The following CRB2 variants were observed in gnomAD, a reference collection of about 807,000 sequenced individuals.
The protein encoded by CRB2 is crumbs cell polarity complex component 2, also known as protein crumbs homolog 2.
Under a neutral mutation model 110.9 loss-of-function variants are expected in CRB2, and 85 were observed. The observed-to-expected ratio is 0.77, with a 90% CI of 0.64 to 0.92. The LOEUF (loss-of-function observed/expected upper bound fraction) is 0.92. Among genes scored for constraint, CRB2 ranks in the 40% least tolerant of loss-of-function variants. The pLI, the probability that CRB2 is intolerant of heterozygous loss-of-function variation, is 0.00. For missense variants in CRB2, 1,843 were observed against 1,851.3 expected, an observed-to-expected ratio of 1.00 and a Z score of 0.08; for synonymous variants, 907 against 831.0, an observed-to-expected ratio of 1.09 and a Z score of -1.57.
intron 4 of CRB2, 56 bp downstream of exon 4, chr9:123,366,422 C>A (rs1033537042): frequency 1.3e-4 from 188 of 1,482,748 alleles, no homozygotes; most frequent in Middle Eastern, 9.6e-4. Flanking sequence ...TGCGCCTGTG[C>A]GGCCTGGGGC....
intron 1 of CRB2, among the ~76,000 whole-genome samples, chr9:123,359,441 G>GTTTTTTTTTTTTTTTTTTTTTTT (rs375773781): frequency 1.3e-4 from 12 of 94,436 alleles, no homozygotes; most frequent in Non-Finnish European, 1.7e-4. Context: ...TTTTTGTTTT[G>GTTTTTTTTTTTTTTTTTTTTTTT]TTTTTTTTTT....
chr9:123,377,652 A>C lies in CRB2; in HGVS notation c.*590A>C, dbSNP rs1332117748. 6.6e-6 allele frequency: 1 copy of C among 152,246 alleles called. No individual in the cohort carries two copies. The highest frequency in any genetic ancestry group is 1.5e-5 in the Non-Finnish European group (1 of 68,076). 9.4% of individuals were successfully genotyped at this position (152,246 alleles called of 1,614,324 possible). On this transcript the variant is annotated 3_prime_UTR_variant, in exon 13 of 13. Coordinates refer to ENST00000373631, the MANE Select transcript of CRB2 (RefSeq NM_173689.7). ...GCTCCTGCTGTGGAGGCAGCTGGGA[A>C]GTCAGGGAAGGCCACTAGCAGAGGC...
intron 1 of CRB2, among the ~76,000 whole-genome samples, chr9:123,356,974 A>G (rs72755139): frequency 0.34 from 52,224 of 151,848 alleles, 10,878 homozygotes; most frequent in Non-Finnish European, 0.47. Context: ...GCCGACCCCA[A>G]CTCGGGACTG....
chr9:123,374,547 T>A, intron 10 of CRB2, 32 bp from the exon 11 acceptor site: 1 of 1,540,146 alleles, frequency 6.5e-7, no homozygotes, highest in Non-Finnish European at 9.0e-7. Context: ...CCAGGTGTCC[T>A]GCACCCACTC....
chr9:123,376,038 C>G (rs1298417917), intron 12 of CRB2, among the ~76,000 whole-genome samples: 1 of 151,978 alleles, frequency 6.6e-6, no homozygotes, highest in Non-Finnish European at 1.5e-5. Flanking sequence ...TGTTTCCTTT[C>G]AAGTTGAACT....
chr9:123,358,424 G>A (rs547486924), intron 1 of CRB2, among the ~76,000 whole-genome samples: 32 of 152,284 alleles, frequency 2.1e-4, no homozygotes, highest in African/African-American at 4.1e-4. Context: ...CCCCAAGTCC[G>A]GCCCCTCCTC....
intron 1 of CRB2, among the ~76,000 whole-genome samples, chr9:123,356,893 C>T (rs144123017): frequency 4.7e-4 from 71 of 152,124 alleles, no homozygotes; most frequent in Non-Finnish European, 8.5e-4. Context: ...CTAGCACACG[C>T]TGTGGGGTGT....
intron 12 of CRB2, 151 bp from the exon 13 acceptor site, chr9:123,376,687 C>A (rs1461191975): frequency 1.4e-6 from 1 of 715,748 alleles, no homozygotes. Flanking sequence ...CTGCATACCC[C>A]TGGGGCTGGG....
intron 1 of CRB2, among the ~76,000 whole-genome samples, chr9:123,360,279 A>C (rs1288213135): frequency 1.3e-5 from 2 of 152,132 alleles, no homozygotes; most frequent in Non-Finnish European, 2.9e-5. Context: ...AGCAGGTCGA[A>C]GGGGAGGGGC....
At position 123,373,352 on chromosome 9, in the gene CRB2, G is replaced by A. The variant is rs780391222; in HGVS notation, c.2821G>A (p.Gly941Ser). Reference sequence around the variant, plus strand: ...CGTGCGCGGAGGCCATGGCCTGCCCGGCGCTGTGCTGCCCATACCGGGGCC... The same window carrying A: ...CGTGCGCGGAGGCCATGGCCTGCCCAGCGCTGTGCTGCCCATACCGGGGCC... ...GGVRGGHGLPGAVLPIPGPRV... is the reference protein window; with the variant it reads ...GGVRGGHGLPSAVLPIPGPRV... Residue 941 changes from glycine (G) to serine (S), a missense_variant, in exon 10 of 13, where the codon GGC (glycine) becomes AGC (serine). Gly to Ser is a moderately conservative substitution (Grantham distance 56, BLOSUM62 0). Coordinates refer to ENST00000373631, the MANE Select transcript of CRB2 (RefSeq NM_173689.7). The A allele has an allele frequency of 5.4e-4, 776 of 1,435,872 alleles. No individual in the cohort carries two copies. Among genetic ancestry groups the A allele is most frequent in the Non-Finnish European group, 6.7e-4 (739 of 1,102,688 alleles). 88.9% of individuals were successfully genotyped at this position (1,435,872 alleles called of 1,614,324 possible).
At position 123,366,014 on chromosome 9, in the gene CRB2, C is replaced by T. The variant is rs146687164; in HGVS notation, c.516C>T (p.Cys172=). Residue 172 remains cysteine, a synonymous_variant, in exon 3 of 13, where the codon TGC becomes TGT. Coordinates refer to ENST00000373631, the MANE Select transcript of CRB2 (RefSeq NM_173689.7). ...GCGTGGGCTCCTTCCGCTGTGTGTG[C>T]GCGCCAGGCTACGGGGGCACCCGTT... The part of the protein sequence containing the change: ...LDGVGSFRCV[C]APGYGGTRCQ... The T allele has an allele frequency of 1.4e-3, 2,240 of 1,594,012 alleles. 6 individuals carry two copies. Among genetic ancestry groups the T allele is most frequent in the South Asian group, 3.0e-3 (267 of 90,170 alleles).
At position 123,373,170 on chromosome 9, in the gene CRB2, C is replaced by A; in HGVS notation, c.2639C>A (p.Ala880Asp). The change falls in exon 10 of 13, where the codon GCC (alanine) becomes GAC (aspartate). Residue 880 changes from alanine (A) to aspartate (D), a missense_variant. Ala to Asp is a moderately radical substitution (Grantham distance 126, BLOSUM62 -2). Coordinates refer to ENST00000373631, the MANE Select transcript of CRB2 (RefSeq NM_173689.7). ...GCCACGTTCCGCGAGGGTCCCCCCG[C>A]CGCGTTCAGCGGGCACAACGCGTCG... is the stretch of plus-strand genomic sequence containing the variant. Reference protein sequence around the residue: ...AEATFREGPPAAFSGHNASSG... With the variant: ...AEATFREGPPDAFSGHNASSG... 1 of 1,514,546 alleles carries A rather than the reference C, an allele frequency of 6.6e-7. No homozygotes were observed. The highest frequency in any genetic ancestry group is 1.2e-5 in the South Asian group (1 of 82,690). The allele number at this position is 1,514,546 out of a possible 1,614,324, so 93.8% of individuals were successfully genotyped here.
chr9:123,362,673 C>T (rs1393379316), intron 1 of CRB2, among the ~76,000 whole-genome samples, 192 bp from the exon 2 acceptor site: 1 of 152,170 alleles, frequency 6.6e-6, no homozygotes, highest in Non-Finnish European at 1.5e-5. Flanking sequence ...TCTCCTAAAA[C>T]CGTTCCCAGT....
At position 123,366,369 on chromosome 9, in the gene CRB2, G is replaced by A. The variant is rs2041932164; in HGVS notation, c.754+3G>A. On this transcript the variant is annotated splice_donor_region_variant and intron_variant, in intron 4 of 12. Coordinates refer to ENST00000373631, the MANE Select transcript of CRB2 (RefSeq NM_173689.7). ...CTTCCGCTGCCTCTGTTGGCCAGGT[G>A]TGTGCGTGCAGGTGCGCGGCCTGGC... 2.6e-6 allele frequency: 4 copies of A among 1,545,622 alleles called. No homozygotes were observed. Among genetic ancestry groups the A allele is most frequent in the Non-Finnish European group, 2.6e-6 (3 of 1,158,002 alleles).
At chr9:123,366,430 G>T in intron 4 of CRB2, 64 bp downstream of exon 4, 1 of 1,477,164 alleles carries the variant, frequency 6.8e-7, no homozygotes, top group Non-Finnish European at 8.9e-7. Context: ...TGCGGCCTGG[G>T]GCGGTGGGGC....
upstream of CRB2, among the ~76,000 whole-genome samples, chr9:123,355,464 G>A (rs1336923439): frequency 6.6e-6 from 1 of 151,590 alleles, no homozygotes; most frequent in Non-Finnish European, 1.5e-5. Context: ...TTTGGCTGGT[G>A]AAGGGTGGAG....
chr9:123,366,088 G>C lies in CRB2; in HGVS notation c.590G>C (p.Gly197Ala). The C allele has an allele frequency of 2.6e-6, 4 of 1,537,550 alleles. No individual in the cohort carries two copies. The highest frequency in any genetic ancestry group is 3.5e-6 in the Non-Finnish European group (4 of 1,149,546). The change falls in exon 3 of 13, where the codon GGC (glycine) becomes GCC (alanine). Residue 197 changes from glycine (G) to alanine (A), a missense_variant. Coordinates refer to ENST00000373631, the MANE Select transcript of CRB2 (RefSeq NM_173689.7). ...ECQSQPCAHGGTCHDLVNGFR... is the reference protein window; with the variant it reads ...ECQSQPCAHGATCHDLVNGFR... The stretch of plus-strand genomic sequence containing the variant: ...CAGAGCCAGCCGTGCGCACATGGGG[G>C]CACGTGCCACGACCTGGTCAACGGG...
At chr9:123,369,650 C>T (rs2041985095) in intron 6 of CRB2, among the ~76,000 whole-genome samples, 1 of 152,138 alleles carries the variant, frequency 6.6e-6, no homozygotes, top group Admixed American at 6.6e-5. Flanking sequence ...GCTTGAGAGC[C>T]TGGTAGGACC....
Position 123,367,438 on chromosome 9 carries a change from A to AC in CRB2, c.940+88dup, listed in dbSNP as rs2041952192. The AC allele has an allele frequency of 7.6e-5, 57 of 753,930 alleles. 1 individual carries two copies. The highest frequency in any genetic ancestry group is 8.4e-4 in the Middle Eastern group (2 of 2,388). The allele number at this position is 753,930 out of a possible 1,614,324, so 46.7% of individuals were successfully genotyped here. A position where few individuals can be genotyped will look rare whatever the true frequency, so the allele number is the denominator to read the frequency against. On this transcript the variant is annotated intron_variant, in intron 5 of 12. Coordinates refer to ENST00000373631, the MANE Select transcript of CRB2 (RefSeq NM_173689.7). ...TTGTGCCCACCCCCCCACCCCCCCC[A>AC]CCCCCCCACCCCACACCCCACACCC...
Sources: allele counts gnomAD v4.1 joint callset (sites outside exome capture counted in the v4.1 genomes callset), GRCh38; gene constraint gnomAD v4.1.1; transcripts MANE v1.5; gene names NCBI Gene and HGNC (gene_info 2026-07-23, HGNC 2026-07-21).